Variants in BMPR1B observed in about 807,000 individuals in gnomAD.
BMPR1B encodes bone morphogenetic protein receptor type-1B.
A neutral mutation model predicts 59.1 loss-of-function variants in BMPR1B; 12 were observed. The ratio of observed to expected loss-of-function variants is 0.20; its 90% CI spans 0.13 to 0.33. BMPR1B has a LOEUF of 0.33. Among genes scored for constraint, BMPR1B ranks in the 10% least tolerant of loss-of-function variants. The pLI is 1.00. For missense variants in BMPR1B, 550 were observed against 610.9 expected (o/e 0.90, Z 1.05); for synonymous variants, 237 against 207.3 (o/e 1.14, Z -1.23).
At chr4:95,038,712 A>G (rs970915344) in intron 3 of BMPR1B, among the ~76,000 whole-genome samples, 1 of 152,198 alleles carries the variant, frequency 6.6e-6, no homozygotes, top group Non-Finnish European at 1.5e-5. Flanking sequence ...CTCCTTTTGA[A>G]TGTCCTTGCT....
Position 95,031,057 on chromosome 4 carries a change from C to T in BMPR1B, c.-18+34923C>T, listed in dbSNP as rs370794205. Among the ~76,000 whole-genome samples, 54 of 151,886 alleles carry T rather than the reference C, an allele frequency of 3.6e-4. No homozygotes were observed. In the South Asian group the frequency reaches 7.5e-3, roughly 21 times the overall value. ...TATGGAACCAAAAAAGAGCCCGCAT[C>T]GCCAAGTCAATCCTAAGCCAAAAGA... On this transcript the variant is annotated intron_variant, in intron 3 of 12. Transcript: ENST00000515059.
At chr4:95,071,347 C>T (rs1294410235) in intron 3 of BMPR1B, among the ~76,000 whole-genome samples, 1 of 151,726 alleles carries the variant, frequency 6.6e-6, no homozygotes, top group Non-Finnish European at 1.5e-5. Flanking sequence ...AAGATACTGC[C>T]CAAGGAAATT....
At chr4:94,988,760 A>G (rs949545950) in intron 2 of BMPR1B, among the ~76,000 whole-genome samples, 1 of 152,072 alleles carries the variant, frequency 6.6e-6, no homozygotes, top group Non-Finnish European at 1.5e-5. Flanking sequence ...AGCCCAAATT[A>G]TTTATTACTT....
At chr4:95,115,630 T>C in intron 5 of BMPR1B, 55 bp from the exon 6 acceptor site, 1 of 1,462,014 alleles carries the variant, frequency 6.8e-7, no homozygotes, top group Non-Finnish European at 9.6e-7. Context: ...TTTTAGATGA[T>C]TTGACTTTGA....
intron 3 of BMPR1B, among the ~76,000 whole-genome samples, chr4:95,006,541 GA>G (rs1421040644): frequency 1.4e-5 from 2 of 141,656 alleles, no homozygotes; most frequent in African/African-American, 2.8e-5. Context: ...AATACCTTCT[GA>G]TTTTTTTTTT....
At position 95,040,396 on chromosome 4, in the gene BMPR1B, G is replaced by A. The variant is rs192680747; in HGVS notation, c.-18+44262G>A. Among the ~76,000 whole-genome samples the A allele has an allele frequency of 2.7e-4, 41 of 152,260 alleles. 1 individual carries two copies. The East Asian group carries it at 5.6e-3, about 21-fold the overall frequency. On this transcript the variant is annotated intron_variant, in intron 3 of 12. Coordinates refer to ENST00000515059, the MANE Select transcript of BMPR1B (RefSeq NM_001203.3). ...TTTTCAATTGACTTATTTTATATCA[G>A]TTCAAGTTGGATTTACATAAATTTT...
chr4:95,019,635 G>A (rs1723828341), intron 3 of BMPR1B, among the ~76,000 whole-genome samples: 1 of 152,106 alleles, frequency 6.6e-6, no homozygotes, highest in Non-Finnish European at 1.5e-5. Context: ...TGAGAGAAAG[G>A]GAGGGAGGAA....
intron 3 of BMPR1B, among the ~76,000 whole-genome samples, chr4:95,024,126 C>T (rs1399318933): frequency 6.6e-6 from 1 of 152,072 alleles, no homozygotes; most frequent in Non-Finnish European, 1.5e-5. Context: ...GTAAGTTAGC[C>T]CATGAGGCCA....
chr4:94,905,230 C>CA (rs1159529138), intron 2 of BMPR1B, among the ~76,000 whole-genome samples: 1 of 151,868 alleles, frequency 6.6e-6, no homozygotes, highest in East Asian at 1.9e-4. Flanking sequence ...TGCTTTTATT[C>CA]AAAAAATAGC....
chr4:95,098,948 C>A (rs1339950039), intron 3 of BMPR1B, among the ~76,000 whole-genome samples: 1 of 152,128 alleles, frequency 6.6e-6, no homozygotes, highest in East Asian at 1.9e-4. Flanking sequence ...CATCCCCTGA[C>A]CTCGTGATCT....
intron 3 of BMPR1B, among the ~76,000 whole-genome samples, chr4:95,078,194 T>C (rs1728854613): frequency 6.6e-6 from 1 of 152,226 alleles, no homozygotes. Context: ...TTTTAAAATA[T>C]GAATTAGTAC....
intron 2 of BMPR1B, among the ~76,000 whole-genome samples, chr4:94,965,086 C>T (rs1400870669): frequency 6.6e-6 from 1 of 152,034 alleles, no homozygotes; most frequent in African/African-American, 2.4e-5. Context: ...GCGGAGCTTC[C>T]CAGTACCACT....
chr4:94,936,267 G>T (rs1729292489), intron 2 of BMPR1B, among the ~76,000 whole-genome samples: 1 of 152,150 alleles, frequency 6.6e-6, no homozygotes, highest in South Asian at 2.1e-4. Context: ...TTATACAGAG[G>T]CAGTTTGCCA....
At chr4:95,074,678 G>A (rs1728572680) in intron 3 of BMPR1B, among the ~76,000 whole-genome samples, 1 of 151,990 alleles carries the variant, frequency 6.6e-6, no homozygotes, top group African/African-American at 2.4e-5. Flanking sequence ...CAAAAGCACA[G>A]TCTTTTATGA....
At chr4:95,025,655 T>C (rs1455449666) in intron 3 of BMPR1B, among the ~76,000 whole-genome samples, 3 of 138,570 alleles carry the variant, frequency 2.2e-5, no homozygotes. Flanking sequence ...TTGAACACTT[T>C]GTTAGAAGAA....
intron 10 of BMPR1B, among the ~76,000 whole-genome samples, chr4:95,137,830 A>G (rs1211173547): frequency 6.6e-6 from 1 of 152,166 alleles, no homozygotes; most frequent in South Asian, 2.1e-4. Flanking sequence ...TCCTGAATAC[A>G]GCACACTGAT....
chr4:94,898,950 G>A (rs183832663), intron 2 of BMPR1B, among the ~76,000 whole-genome samples: 1 of 152,046 alleles, frequency 6.6e-6, no homozygotes, highest in Non-Finnish European at 1.5e-5. Flanking sequence ...CAACTGAAAT[G>A]TATTCTCTCA....
chr4:95,006,326 T>C (rs1197348984), intron 3 of BMPR1B, among the ~76,000 whole-genome samples: 6 of 144,726 alleles, frequency 4.1e-5, no homozygotes, highest in Non-Finnish European at 9.0e-5. Flanking sequence ...GGGTGGATCA[T>C]GAGATCAGGA....
chr4:94,774,338 T>A (rs922736563), intron 1 of BMPR1B, among the ~76,000 whole-genome samples: 14 of 152,026 alleles, frequency 9.2e-5, no homozygotes, highest in Admixed American at 8.5e-4. Flanking sequence ...ACATGAATTG[T>A]TTGCTCTTAA....
Sources: gnomAD v4.1 joint callset for allele counts (sites outside exome capture counted in the v4.1 genomes callset) on GRCh38, gnomAD v4.1.1 for gene constraint, MANE v1.5 for transcripts, NCBI Gene and HGNC (gene_info 2026-07-23, HGNC 2026-07-21) for gene names.